The following NEURL4 variants were observed in gnomAD, a reference collection of about 807,000 sequenced individuals.
NEURL4 encodes neuralized-like protein 4.
A neutral mutation model predicts 148.0 loss-of-function variants in NEURL4; 45 were observed. The ratio of observed to expected loss-of-function variants is 0.30; its 90% CI spans 0.24 to 0.39. The LOEUF (loss-of-function observed/expected upper bound fraction) is 0.39, where lower values mean the gene tolerates loss of function less well. Ranked by LOEUF, NEURL4 falls within the 10% of genes least tolerant of loss-of-function variation. NEURL4 has a pLI of 1.00. For missense variants in NEURL4, 1,776 were observed against 2,144.0 expected (o/e 0.83, Z 3.39); for synonymous variants, 854 against 869.0 (o/e 0.98, Z 0.30).
Position 7,315,682 on chromosome 17 carries a change from G to A in NEURL4, c.*441C>T, listed in dbSNP as rs1484425434. On this transcript the variant is annotated 3_prime_UTR_variant, in exon 29 of 29. Transcript: ENST00000399464. ...TTAGAAATCAGAGTCAGTAACAACT[G>A]TACAGAGGCCCCCATCTTCCGTGCG... 9 of 445,232 alleles carry A rather than the reference G, an allele frequency of 2.0e-5. No individual in the cohort carries two copies. The highest frequency in any genetic ancestry group is 3.6e-5 in the Non-Finnish European group (9 of 252,614). The allele number at this position is 445,232 out of a possible 1,614,324, so 27.6% of individuals were successfully genotyped here.
chr17:7,319,773 A>G (rs1373649748), intron 21 of NEURL4, among the ~76,000 whole-genome samples: 1 of 151,106 alleles, frequency 6.6e-6, no homozygotes, highest in Non-Finnish European at 1.5e-5. Flanking sequence ...TTGCCTCTGT[A>G]AGGATCTCTA....
In NEURL4 at chr17:7,317,858, C is replaced by A; in HGVS notation, c.4135G>T (p.Ala1379Ser). 6.2e-7 allele frequency: 1 copy of A among 1,614,142 alleles called. No homozygotes were observed. The highest frequency in any genetic ancestry group is 8.5e-7 in the Non-Finnish European group (1 of 1,180,048). Residue 1379 changes from alanine (A) to serine (S), a missense_variant, in exon 26 of 29, where the codon GCC becomes TCC. Transcript: ENST00000399464. ...GGAGGCTCCCCTCTGCGCCTGTGGG[C>A]CTCGTCTCCTCGCAGCTTCCGGCAA... ...ESCRKLRGDE[A>S]HRRRGEPPRE...
intron 21 of NEURL4, 94 bp downstream of exon 21, chr17:7,320,665 T>A: frequency 1.6e-6 from 2 of 1,217,672 alleles, no homozygotes; most frequent in Non-Finnish European, 2.3e-6. Context: ...TGGCTTGCTT[T>A]CTTTTTCTCC....
intron 21 of NEURL4, among the ~76,000 whole-genome samples, chr17:7,320,193 C>T (rs975548675): frequency 2.7e-5 from 4 of 145,848 alleles, no homozygotes; most frequent in South Asian, 2.2e-4. Flanking sequence ...AGTGCGGTGG[C>T]GTGATCTCGG....
In NEURL4 at chr17:7,324,403, G is replaced by A. The variant is rs939473384; in HGVS notation, c.1891C>T (p.Arg631Cys). 13 of 1,614,134 alleles carry A rather than the reference G, an allele frequency of 8.1e-6. 1 individual carries two copies. The highest frequency in any genetic ancestry group is 5.5e-5 in the South Asian group (5 of 91,084). Residue 631 changes from arginine (R) to cysteine (C), a missense_variant, in exon 10 of 29, where the codon CGC becomes TGC. Transcript: ENST00000399464. This position sits in a 1 kb window ranked among gnomAD's most constrained non-coding sequence, Gnocchi z 5.9. ...ILDEYGHNLD[R>C]LKAGDTVGVV... The stretch of plus-strand genomic sequence containing the variant: ...CGCACCCACTTTCCCACCTTGAGGC[G>A]GTCCAGATTGTGCCCGTATTCATCC...
chr17:7,320,940 G>A lies in NEURL4; in HGVS notation c.3361-17C>T. 6.2e-7 allele frequency: 1 copy of A among 1,613,514 alleles called. No individual in the cohort carries two copies. The highest frequency in any genetic ancestry group is 8.5e-7 in the Non-Finnish European group (1 of 1,179,772). ...ATTCTGGCCCTGGTGTGGAGGAAGG[G>A]ACTGAGCTGCATGGGTTGCCAATGC... On this transcript the variant is annotated splice_polypyrimidine_tract_variant and intron_variant, in intron 20 of 28. Coordinates refer to ENST00000399464, the MANE Select transcript of NEURL4 (RefSeq NM_032442.3).
In NEURL4 at chr17:7,329,037, G is replaced by A. The variant is rs760654292; in HGVS notation, c.276C>T (p.Asp92=). The change falls in exon 1 of 29, where the codon GAC becomes GAT. Residue 92 remains aspartate, a synonymous_variant. Transcript: ENST00000399464. ...CGCGGTACCAGCGCTGCACCTTGCG[G>A]TCGATGCGGACGGTGAAGACGCGTC... ...RDGRVFTVRI[D]RKVNSWSGSI... is the part of the protein sequence containing the mutation. 3 of 1,578,194 alleles carry A rather than the reference G, an allele frequency of 1.9e-6. No homozygotes were observed. In the African/African-American group the frequency reaches 4.1e-5, roughly 22 times the overall value.
In NEURL4 at chr17:7,323,043, C is replaced by A; in HGVS notation, c.2498G>T (p.Arg833Leu). Residue 833 changes from arginine to leucine, a missense_variant, in exon 15 of 29, where the codon CGC (arginine) becomes CTC (leucine). By Grantham distance (102) the Arg-to-Leu change is moderately radical. Coordinates refer to ENST00000399464, the MANE Select transcript of NEURL4 (RefSeq NM_032442.3). The stretch of plus-strand genomic sequence containing the variant: ...CTTGGCAGTTCGCATCATGCCAATG[C>A]GTGCACCTGTGCCCAGCGCATCCAG... ...CDLDALGTGARIGMMRTAKGD... is the reference protein window; with the variant it reads ...CDLDALGTGALIGMMRTAKGD... The A allele has an allele frequency of 1.9e-6, 3 of 1,613,748 alleles. No individual in the cohort carries two copies. Among genetic ancestry groups the A allele is most frequent in the South Asian group, 2.2e-5 (2 of 91,088 alleles).
rs2073142992 is a variant in NEURL4, at chr17:7,329,235, G to T, written c.78C>A (p.Ser26Arg). The change falls in exon 1 of 29, where the codon AGC becomes AGA. Residue 26 changes from serine (S) to arginine (R), a missense_variant. By Grantham distance (110) the Ser-to-Arg change is moderately radical. Transcript: ENST00000399464. ...TGGACCCCGGTCCTGAGCCGCTCCC[G>T]CTGGGGCCCCCACCCCCGCCCGGCC... ...GPGPGGGGGP[S>R]GSGSGPGSNG... is the part of the protein sequence containing the mutation. The T allele has an allele frequency of 4.1e-5, 62 of 1,509,814 alleles. No homozygotes were observed. Among genetic ancestry groups the T allele is most frequent in the Non-Finnish European group, 5.4e-5 (61 of 1,135,930 alleles). The allele number at this position is 1,509,814 out of a possible 1,614,324, so 93.5% of individuals were successfully genotyped here.
In NEURL4 at chr17:7,322,548, C is replaced by T. The variant is rs2143012563; in HGVS notation, c.2725+187G>A. ...TGGCCCCTTGGTGGCAGGGAAGTGT[C>T]CAGGCTCTAAGTACCAGGTGTAACC... On this transcript the variant is annotated intron_variant, in intron 16 of 28. Coordinates refer to ENST00000399464, the MANE Select transcript of NEURL4 (RefSeq NM_032442.3). The surrounding 1 kb of genome is among the most constrained non-coding windows in gnomAD (Gnocchi z 5.5). 6.6e-6 allele frequency among the ~76,000 whole-genome samples: 1 copy of T among 152,280 alleles called. No individual in the cohort carries two copies. The highest frequency in any genetic ancestry group is 2.4e-5 in the African/African-American group (1 of 41,552).
rs1597630043 is a variant in NEURL4 at position 7,318,208 on chromosome 17, G to T, written c.3953-36C>A. The T allele has an allele frequency of 6.2e-7, 1 of 1,611,186 alleles. No homozygotes were observed. On this transcript the variant is annotated intron_variant, in intron 24 of 28. Coordinates refer to ENST00000399464, the MANE Select transcript of NEURL4 (RefSeq NM_032442.3). This position sits in a 1 kb window ranked among gnomAD's most constrained non-coding sequence, Gnocchi z 4.3. ...AGAGGGGCACAGGTCACAGGAGCTGGGCTAGAAGGGTGAGGGTGGGGGAGT... is the reference window on the plus strand; with the variant it reads ...AGAGGGGCACAGGTCACAGGAGCTGTGCTAGAAGGGTGAGGGTGGGGGAGT...
Position 7,327,107 on chromosome 17 carries a change from C to A in NEURL4, c.793+58G>T. On this transcript the variant is annotated intron_variant, in intron 3 of 28. Coordinates refer to ENST00000399464, the MANE Select transcript of NEURL4 (RefSeq NM_032442.3). The surrounding 1 kb of genome is among the most constrained non-coding windows in gnomAD (Gnocchi z 6.6). Reference sequence around the variant, plus strand: ...TCTCCCTACCCCTTCTCCTGAGGGCCCTCCCTTGTCCACCTCACTTCCCAC... The same window carrying A: ...TCTCCCTACCCCTTCTCCTGAGGGCACTCCCTTGTCCACCTCACTTCCCAC... 1 of 1,601,630 alleles carries A rather than the reference C, an allele frequency of 6.2e-7. No homozygotes were observed. Among genetic ancestry groups the A allele is most frequent in the South Asian group, 1.1e-5 (1 of 90,708 alleles).
In NEURL4 at chr17:7,329,191, C is replaced by T; in HGVS notation, c.122G>A (p.Gly41Asp). 1 of 1,585,920 alleles carries T rather than the reference C, an allele frequency of 6.3e-7. No individual in the cohort carries two copies. The highest frequency in any genetic ancestry group is 8.5e-7 in the Non-Finnish European group (1 of 1,170,608). Reference protein sequence around the residue: ...GPGSNGGLGSGGELHPRTGRL... With the variant: ...GPGSNGGLGSDGELHPRTGRL... ...CCCAGTGCGCGGGTGCAGTTCCCCG[C>T]CGCTGCCCAGACCCCCGTTGGACCC... The change falls in exon 1 of 29, where the codon GGC becomes GAC. Residue 41 changes from glycine (G) to aspartate (D), a missense_variant. Gly to Asp is a moderately conservative substitution (Grantham distance 94, BLOSUM62 -1). Coordinates refer to ENST00000399464, the MANE Select transcript of NEURL4 (RefSeq NM_032442.3).
In NEURL4 at chr17:7,324,331, G is replaced by A; in HGVS notation, c.1900-61C>T. The stretch of plus-strand genomic sequence containing the variant: ...CAGAGTTCCTGCCGGGGCTGGTCCT[G>A]CATCAGCCCCGCGGTGTTTGTGATG... On this transcript the variant is annotated intron_variant, in intron 10 of 28. Coordinates refer to ENST00000399464, the MANE Select transcript of NEURL4 (RefSeq NM_032442.3). The surrounding 1 kb of genome is among the most constrained non-coding windows in gnomAD (Gnocchi z 5.9). 6.2e-7 allele frequency: 1 copy of A among 1,613,806 alleles called. No individual in the cohort carries two copies. The highest frequency in any genetic ancestry group is 8.5e-7 in the Non-Finnish European group (1 of 1,179,868).
In NEURL4 at chr17:7,317,060, T is replaced by G. The variant is rs2072957204; in HGVS notation, c.4484+145A>C. On this transcript the variant is annotated intron_variant, in intron 28 of 28. Transcript: ENST00000399464. ...ATATAAGTAGTATTTGTTCAATGAATGAAGAAAGGGCTGAGTTGGAGACTG... is the reference window on the plus strand; with the variant it reads ...ATATAAGTAGTATTTGTTCAATGAAGGAAGAAAGGGCTGAGTTGGAGACTG... The G allele has an allele frequency of 3.7e-5, 19 of 515,664 alleles. No individual in the cohort carries two copies. The East Asian group carries it at 6.1e-4, about 17-fold the overall frequency. The allele number at this position is 515,664 out of a possible 1,614,324, so 31.9% of individuals were successfully genotyped here. A position where few individuals can be genotyped will look rare whatever the true frequency, so the allele number is the denominator to read the frequency against.
chr17:7,327,377 T>C lies in NEURL4; in HGVS notation c.727+63A>G. ...TGGCCCTGCCCACACCCAGCCTGTC[T>C]TGTCACTCTATTTCCCCCATTCCGT... On this transcript the variant is annotated intron_variant, in intron 2 of 28. Transcript: ENST00000399464. The surrounding 1 kb of genome is among the most constrained non-coding windows in gnomAD (Gnocchi z 6.6). 6.8e-7 allele frequency: 1 copy of C among 1,468,478 alleles called. No homozygotes were observed. The highest frequency in any genetic ancestry group is 9.2e-7 in the Non-Finnish European group (1 of 1,084,214). The allele number at this position is 1,468,478 out of a possible 1,614,324, so 91.0% of individuals were successfully genotyped here. A position where few individuals can be genotyped will look rare whatever the true frequency, so the allele number is the denominator to read the frequency against.
At chr17:7,325,794 G>A (rs1195774630) in intron 6 of NEURL4, 81 bp from the exon 7 acceptor site, 5 of 1,166,540 alleles carry the variant, frequency 4.3e-6, no homozygotes, top group Non-Finnish European at 6.5e-6. Flanking sequence ...ACTCCAGAAG[G>A]TATTCGTGAG....
chr17:7,321,791 C>T lies in NEURL4; in HGVS notation c.2872-4G>A, dbSNP rs774497866. ...CATCTAGCTCTTCCACTTTCACCTA[C>T]GAGACAGAGAAAACATAAGCTGGCC... On this transcript the variant is annotated splice_region_variant and splice_polypyrimidine_tract_variant and intron_variant, in intron 17 of 28. Transcript: ENST00000399464. The surrounding 1 kb of genome is among the most constrained non-coding windows in gnomAD (Gnocchi z 6.3). 7.4e-6 allele frequency: 12 copies of T among 1,612,676 alleles called. No individual in the cohort carries two copies. The East Asian group carries it at 1.3e-4, about 18-fold the overall frequency.
chr17:7,327,141 C>T lies in NEURL4; in HGVS notation c.793+24G>A, dbSNP rs1341850819. On this transcript the variant is annotated intron_variant, in intron 3 of 28. Coordinates refer to ENST00000399464, the MANE Select transcript of NEURL4 (RefSeq NM_032442.3). This position sits in a 1 kb window ranked among gnomAD's most constrained non-coding sequence, Gnocchi z 6.6. The stretch of plus-strand genomic sequence containing the variant: ...TCCACCTCACTTCCCACTCCCCTTC[C>T]CAGGGCCTCCCCAAAGCCCTCACCA... 1 of 1,610,632 alleles carries T rather than the reference C, an allele frequency of 6.2e-7. No homozygotes were observed. Among genetic ancestry groups the T allele is most frequent in the South Asian group, 1.1e-5 (1 of 90,910 alleles).
Sources: gnomAD v4.1 joint callset for allele counts (sites outside exome capture counted in the v4.1 genomes callset) on GRCh38, gnomAD v4.1.1 for gene constraint, Gnocchi (gnomAD v3.1) non-coding constraint, MANE v1.5 for transcripts, NCBI Gene and HGNC (gene_info 2026-07-23, HGNC 2026-07-21) for gene names.